C8orf34: variants seen among roughly 807,000 people sequenced by gnomAD.
The protein encoded by C8orf34 is uncharacterized protein C8orf34.
In C8orf34, 65 loss-of-function variants were observed where a neutral mutation model predicts 68.3. The ratio of observed to expected loss-of-function variants is 0.95; its 90% CI spans 0.78 to 1.17. The LOEUF (loss-of-function observed/expected upper bound fraction) is 1.17, where lower values mean the gene tolerates loss of function less well. Ranked by LOEUF, C8orf34 falls within the 50% of genes most tolerant of loss-of-function variation. C8orf34 has a pLI of 0.00. For missense variants in C8orf34, 664 were observed against 655.4 expected (o/e 1.01, Z -0.14); for synonymous variants, 244 against 241.2 (o/e 1.01, Z -0.11).
chr8:68,554,257 A>G (rs959370922), intron 7 of C8orf34, among the ~76,000 whole-genome samples: 9 of 152,156 alleles, frequency 5.9e-5, no homozygotes, highest in Non-Finnish European at 1.0e-4. Flanking sequence ...TATTGACAAT[A>G]TAAGGTAAAG....
In C8orf34 at chr8:68,658,620, A is replaced by G. The variant is rs183586979; in HGVS notation, c.1241+18109A>G. On this transcript the variant is annotated intron_variant, in intron 8 of 13. Transcript: ENST00000518698. Reference sequence around the variant, plus strand: ...TATTTCTTCTTTTCTCGACATATTCATTCTTTTCTCTTAGATGAATATTGA... The same window carrying G: ...TATTTCTTCTTTTCTCGACATATTCGTTCTTTTCTCTTAGATGAATATTGA... 1.4e-3 allele frequency among the ~76,000 whole-genome samples: 212 copies of G among 152,114 alleles called. 3 individuals carry two copies. The highest frequency in any genetic ancestry group is 9.3e-3 in the East Asian group (48 of 5,172).
chr8:68,369,375 T>G (rs1807456541), intron 1 of C8orf34, among the ~76,000 whole-genome samples: 1 of 152,234 alleles, frequency 6.6e-6, no homozygotes, highest in Non-Finnish European at 1.5e-5. Context: ...GGAACTGTAA[T>G]GCTGTAATAG....
At chr8:68,588,456 T>C (rs1396078855) in intron 7 of C8orf34, among the ~76,000 whole-genome samples, 1 of 152,158 alleles carries the variant, frequency 6.6e-6, no homozygotes, top group Non-Finnish European at 1.5e-5. Flanking sequence ...ATCAATAATA[T>C]GTATTGCATT....
intron 10 of C8orf34, among the ~76,000 whole-genome samples, chr8:68,753,431 G>A (rs1409706480): frequency 2.0e-5 from 3 of 152,170 alleles, no homozygotes; most frequent in African/African-American, 4.8e-5. Flanking sequence ...GCACTAAGAT[G>A]AAAACCATTA....
rs764182706 is a variant in C8orf34, at chr8:68,709,047, A to G, written c.1295A>G (p.His432Arg). ...ACAGAAGAGTCACTACCAATACTCC[A>G]TTCTCCAGATGAAAAAATCCCAGAT... ...ERTEESLPIL[H>R]SPDEKIPDSF... The change falls in exon 9 of 14, where the codon CAT (histidine) becomes CGT (arginine). Residue 432 changes from histidine (H) to arginine (R), a missense_variant. His to Arg is a conservative substitution (Grantham distance 29). Coordinates refer to ENST00000518698, the MANE Select transcript of C8orf34 (RefSeq NM_052958.4). 6.8e-6 allele frequency: 11 copies of G among 1,612,520 alleles called. No individual in the cohort carries two copies. The highest frequency in any genetic ancestry group is 2.2e-5 in the East Asian group (1 of 44,780).
At chr8:68,808,515 T>G (rs1824550056) in intron 12 of C8orf34, among the ~76,000 whole-genome samples, 1 of 151,594 alleles carries the variant, frequency 6.6e-6, no homozygotes, top group Non-Finnish European at 1.5e-5. Context: ...TCTACTGGGT[T>G]TTGCATCTGC....
At chr8:68,717,355 C>T (rs1430431870) in intron 9 of C8orf34, among the ~76,000 whole-genome samples, 2 of 151,996 alleles carry the variant, frequency 1.3e-5, no homozygotes, top group African/African-American at 2.4e-5. Flanking sequence ...GTTCGACCTG[C>T]GGTGGCAGGT....
intron 5 of C8orf34, among the ~76,000 whole-genome samples, chr8:68,488,999 A>ATTT: frequency 1.6e-5 from 2 of 128,844 alleles, no homozygotes; most frequent in South Asian, 2.4e-4. Flanking sequence ...TTTTTTTTTA[A>ATTT]AATAGCAGTG....
chr8:68,710,597 C>T (rs145808688), intron 9 of C8orf34, among the ~76,000 whole-genome samples: 8 of 152,194 alleles, frequency 5.3e-5, no homozygotes, highest in African/African-American at 1.9e-4. Flanking sequence ...GAGAACCACA[C>T]CCCCATCCAC....
chr8:68,453,330 T>G (rs2129627771), intron 3 of C8orf34, among the ~76,000 whole-genome samples: 1 of 152,176 alleles, frequency 6.6e-6, no homozygotes, highest in Middle Eastern at 3.4e-3. Context: ...GCCATTTGGA[T>G]TTTCTTAGGA....
intron 4 of C8orf34, among the ~76,000 whole-genome samples, chr8:68,473,395 G>A (rs1006478593): frequency 5.9e-5 from 9 of 152,120 alleles, no homozygotes; most frequent in African/African-American, 2.2e-4. Context: ...TATGCAGATA[G>A]GCTTTCCACT....
chr8:68,558,484 CTTT>C (rs565899145), intron 7 of C8orf34, among the ~76,000 whole-genome samples: 2 of 151,602 alleles, frequency 1.3e-5, no homozygotes, highest in Non-Finnish European at 2.9e-5. Context: ...TATATAGTTT[CTTT>C]TTTTTCTCAT....
chr8:68,621,869 C>G (rs1346052509), intron 7 of C8orf34, among the ~76,000 whole-genome samples: 1 of 152,164 alleles, frequency 6.6e-6, no homozygotes, highest in African/African-American at 2.4e-5. Flanking sequence ...AATAAATGAT[C>G]ATATACTTAG....
In C8orf34 at chr8:68,340,121, A is replaced by C. The variant is rs189866191; in HGVS notation, c.327+8782A>C. Among the ~76,000 whole-genome samples the C allele has an allele frequency of 2.4e-3, 358 of 152,224 alleles. 2 individuals carry two copies. Among genetic ancestry groups the C allele is most frequent in the Non-Finnish European group, 3.6e-3 (243 of 67,960 alleles). On this transcript the variant is annotated intron_variant, in intron 1 of 13. Transcript: ENST00000518698. The stretch of plus-strand genomic sequence containing the variant: ...AGACTGACTTTAATAAGCATTGGTG[A>C]AGATTTGAAGCAATTAGAACTTTTA...
At chr8:68,679,429 A>G (rs1165746976) in intron 8 of C8orf34, among the ~76,000 whole-genome samples, 1 of 152,192 alleles carries the variant, frequency 6.6e-6, no homozygotes, top group Non-Finnish European at 1.5e-5. Flanking sequence ...ATTTAAGAGG[A>G]CACAAAAATG....
At chr8:68,686,129 A>G (rs1820510887) in intron 8 of C8orf34, among the ~76,000 whole-genome samples, 1 of 152,014 alleles carries the variant, frequency 6.6e-6, no homozygotes, top group African/African-American at 2.4e-5. Flanking sequence ...TTGAATCAGT[A>G]ATAAAAAAAG....
chr8:68,761,661 A>G (rs1322650868), intron 10 of C8orf34, among the ~76,000 whole-genome samples: 6 of 152,190 alleles, frequency 3.9e-5, no homozygotes, highest in Admixed American at 3.9e-4. Flanking sequence ...ACCAAATGGA[A>G]CCACAGTGCT....
chr8:68,412,830 T>C (rs1809501297), intron 1 of C8orf34, among the ~76,000 whole-genome samples: 1 of 152,066 alleles, frequency 6.6e-6, no homozygotes, highest in African/African-American at 2.4e-5. Flanking sequence ...CCCCAACGAC[T>C]TTTCGACCCT....
At chr8:68,724,133 A>C (rs1821759898) in intron 10 of C8orf34, among the ~76,000 whole-genome samples, 1 of 152,194 alleles carries the variant, frequency 6.6e-6, no homozygotes, top group Non-Finnish European at 1.5e-5. Flanking sequence ...CATGGGTTAA[A>C]TTAAAAGTTA....
Sources: gnomAD v4.1 joint callset for allele counts (sites outside exome capture counted in the v4.1 genomes callset) on GRCh38, gnomAD v4.1.1 for gene constraint, MANE v1.5 for transcripts, NCBI Gene and HGNC (gene_info 2026-07-23, HGNC 2026-07-21) for gene names.